SPACA7: variants seen among roughly 807,000 people sequenced by gnomAD.
SPACA7 encodes the protein sperm acrosome associated 7.
A neutral mutation model predicts 26.3 loss-of-function variants in SPACA7; 19 were observed. The observed-to-expected ratio is 0.72, with a 90% CI of 0.50 to 1.06. SPACA7 has a LOEUF of 1.06. Among genes scored for constraint, SPACA7 ranks in the 50% least tolerant of loss-of-function variants. SPACA7 has a pLI of 0.00. For missense variants in SPACA7, 211 were observed against 229.9 expected (o/e 0.92, Z 0.53); for synonymous variants, 84 against 84.5 (o/e 0.99, Z 0.04).
chr13:112,380,825 T>A (rs1173094478), intron 1 of SPACA7, among the ~76,000 whole-genome samples: 1 of 152,244 alleles, frequency 6.6e-6, no homozygotes, highest in Non-Finnish European at 1.5e-5. Context: ...TTTCCAATAG[T>A]TTTAATTACA....
chr13:112,406,779 T>C (rs1368199846), intron 5 of SPACA7, among the ~76,000 whole-genome samples: 1 of 152,208 alleles, frequency 6.6e-6, no homozygotes, highest in Admixed American at 6.5e-5. Flanking sequence ...ATGTGGATTG[T>C]GTTACATTCG....
At chr13:112,382,417 G>C (rs1884134684) in intron 1 of SPACA7, 1 of 1,548,522 alleles carries the variant, frequency 6.5e-7, no homozygotes, top group Non-Finnish European at 8.7e-7. Context: ...TTAATCTTCA[G>C]GTGCAGGCTG....
intron 6 of SPACA7, among the ~76,000 whole-genome samples, chr13:112,433,467 T>G (rs1877391264): frequency 6.6e-6 from 1 of 150,480 alleles, no homozygotes; most frequent in Admixed American, 6.7e-5. Context: ...AACAGTTAGG[T>G]GGGCCTCCCT....
chr13:112,407,512 G>T (rs998232770), intron 5 of SPACA7, among the ~76,000 whole-genome samples: 1 of 151,912 alleles, frequency 6.6e-6, no homozygotes, highest in African/African-American at 2.4e-5. Context: ...TCAAACAGAC[G>T]CAACAAAAAA....
intron 4 of SPACA7, among the ~76,000 whole-genome samples, 190 bp downstream of exon 4, chr13:112,399,363 C>T (rs1033248504): frequency 1.3e-5 from 2 of 152,264 alleles, no homozygotes; most frequent in African/African-American, 4.8e-5. Flanking sequence ...CTTCCTCACC[C>T]CCTGCTGTGG....
rs1885474411 is a variant in SPACA7 at position 112,399,155 on chromosome 13, G to A, written c.331G>A (p.Val111Ile). 2.5e-6 allele frequency: 4 copies of A among 1,596,486 alleles called. No individual in the cohort carries two copies. The African/African-American group carries it at 4.0e-5, about 16-fold the overall frequency. Residue 111 changes from valine (V) to isoleucine (I), a missense_variant, in exon 4 of 7, where the codon GTC becomes ATC. Physicochemically the swap from Val to Ile is conservative, Grantham distance 29. Coordinates refer to ENST00000283550, the MANE Select transcript of SPACA7 (RefSeq NM_145248.5). Reference protein sequence around the residue: ...ENLQFSPGIEVKISNDEANAN... With the variant: ...ENLQFSPGIEIKISNDEANAN... ...TTTACAATTCTCTCCTGGCATTGAG[G>A]TCAAAATTTCCAATGATGGTAAATG...
At chr13:112,406,733 T>A (rs1303360478) in intron 5 of SPACA7, among the ~76,000 whole-genome samples, 1 of 152,234 alleles carries the variant, frequency 6.6e-6, no homozygotes, top group East Asian at 1.9e-4. Flanking sequence ...ATGTGACTGA[T>A]AATTCATCAC....
intron 5 of SPACA7, among the ~76,000 whole-genome samples, chr13:112,424,838 T>C (rs1594326012): frequency 1.3e-5 from 2 of 152,216 alleles, no homozygotes; most frequent in East Asian, 3.9e-4. Context: ...TACCTGCTGC[T>C]CTGGGCTGCA....
intron 3 of SPACA7, 66 bp downstream of exon 3, chr13:112,398,204 G>A: frequency 8.3e-7 from 1 of 1,210,260 alleles, no homozygotes; most frequent in Non-Finnish European, 1.2e-6. Context: ...GAGGTCTGTG[G>A]TATGGAATAC....
At chr13:112,394,843 G>A (rs1434811138) in intron 2 of SPACA7, among the ~76,000 whole-genome samples, 1 of 152,244 alleles carries the variant, frequency 6.6e-6, no homozygotes, top group African/African-American at 2.4e-5. Flanking sequence ...GATTCTGGAA[G>A]AGGAAAGAGT....
At chr13:112,401,039 T>TC (rs769439121) in intron 4 of SPACA7, 30 bp from the exon 5 acceptor site, 307 of 1,542,990 alleles carry the variant, frequency 2.0e-4, no homozygotes, top group Admixed American at 5.8e-4. Context: ...AAGGACATTT[T>TC]CCCCATTTTT....
intron 5 of SPACA7, among the ~76,000 whole-genome samples, chr13:112,409,031 A>C (rs986071354): frequency 3.3e-5 from 5 of 152,204 alleles, no homozygotes; most frequent in Non-Finnish European, 7.3e-5. Context: ...AGACCAATGG[A>C]ACAGAACAGA....
chr13:112,386,436 G>T (rs1316294250), intron 1 of SPACA7, among the ~76,000 whole-genome samples: 1 of 152,164 alleles, frequency 6.6e-6, no homozygotes, highest in East Asian at 1.9e-4. Flanking sequence ...TTTTGAGAGG[G>T]ATTTATCCAC....
chr13:112,417,268 T>C lies in SPACA7; in HGVS notation c.446-15176T>C, dbSNP rs74133353. On this transcript the variant is annotated intron_variant, in intron 5 of 6. Transcript: ENST00000283550. ...TCTTCAATTACACCAATTATACAGATGTTATTTCTTCTTTGCCTGCCTGTA... is the reference window on the plus strand; with the variant it reads ...TCTTCAATTACACCAATTATACAGACGTTATTTCTTCTTTGCCTGCCTGTA... 8.5e-3 allele frequency among the ~76,000 whole-genome samples: 1,291 copies of C among 152,220 alleles called. 24 individuals are homozygous for C. The highest frequency in any genetic ancestry group is 0.029 in the African/African-American group (1,225 of 41,538).
intron 2 of SPACA7, among the ~76,000 whole-genome samples, chr13:112,396,778 G>A (rs550706257): frequency 1.2e-4 from 19 of 152,292 alleles, no homozygotes; most frequent in South Asian, 8.3e-4. Flanking sequence ...CAGGTGGCAC[G>A]CAGCTCTGGT....
chr13:112,432,439 C>T lies in SPACA7; in HGVS notation c.446-5C>T. On this transcript the variant is annotated splice_polypyrimidine_tract_variant and splice_region_variant and intron_variant, in intron 5 of 6. Transcript: ENST00000283550. Reference sequence around the variant, plus strand: ...TGATCATTGTACTTATTGTTTTCCCCACAGAAAAGAATTCAAAGAACACTC... The same window carrying T: ...TGATCATTGTACTTATTGTTTTCCCTACAGAAAAGAATTCAAAGAACACTC... 6.2e-7 allele frequency: 1 copy of T among 1,600,538 alleles called. No individual in the cohort carries two copies. The highest frequency in any genetic ancestry group is 8.6e-7 in the Non-Finnish European group (1 of 1,167,732).
At position 112,410,243 on chromosome 13, in the gene SPACA7, C is replaced by T. The variant is rs140129862; in HGVS notation, c.445+9079C>T. ...GGGTGCGGGGATGGGGGAGGGATAG[C>T]ATTAGGAGATATACCTAATGTAAAT... On this transcript the variant is annotated intron_variant, in intron 5 of 6. Transcript: ENST00000283550. 9.5e-3 allele frequency among the ~76,000 whole-genome samples: 1,446 copies of T among 152,084 alleles called. 21 individuals are homozygous for T. The highest frequency in any genetic ancestry group is 0.032 in the African/African-American group (1,348 of 41,500).
At chr13:112,420,737 T>C (rs1046198462) in intron 5 of SPACA7, among the ~76,000 whole-genome samples, 2 of 152,008 alleles carry the variant, frequency 1.3e-5, no homozygotes, top group Non-Finnish European at 2.9e-5. Context: ...CCAAGCAGGA[T>C]ACGTTTAAAC....
chr13:112,412,082 A>T (rs971366952), intron 5 of SPACA7, among the ~76,000 whole-genome samples: 8 of 152,046 alleles, frequency 5.3e-5, no homozygotes, highest in Non-Finnish European at 7.4e-5. Flanking sequence ...ATGTACAAGG[A>T]TTCCCCCTTT....
Sources: allele counts gnomAD v4.1 joint callset (sites outside exome capture counted in the v4.1 genomes callset), GRCh38; gene constraint gnomAD v4.1.1; transcripts MANE v1.5; gene names NCBI Gene and HGNC (gene_info 2026-07-23, HGNC 2026-07-21).